The following PBX1 variants were observed in gnomAD, a reference collection of about 807,000 sequenced individuals.
PBX1 encodes PBX homeobox 1.
PBX1 carries 6 observed loss-of-function variants against 53.4 expected under a neutral mutation model. That is an observed-to-expected ratio of 0.11 (90% CI 0.06 to 0.22). The LOEUF (loss-of-function observed/expected upper bound fraction) is 0.22, where lower values mean the gene tolerates loss of function less well. Ranked by LOEUF, PBX1 falls within the 10% of genes least tolerant of loss-of-function variation. PBX1 has a pLI of 1.00. For synonymous variants in PBX1, 204 were observed against 212.3 expected (o/e 0.96, Z 0.34); for missense variants, 251 against 551.4 (o/e 0.46, Z 5.46).
At chr1:164,820,883 T>A (rs1314830228) in intron 7 of PBX1, among the ~76,000 whole-genome samples, 1 of 152,174 alleles carries the variant, frequency 6.6e-6, no homozygotes, top group Admixed American at 6.5e-5. Flanking sequence ...CTAGGGAAGT[T>A]CTGAGCCATG....
chr1:164,724,401 C>T (rs907593732), intron 2 of PBX1, among the ~76,000 whole-genome samples: 1 of 152,142 alleles, frequency 6.6e-6, no homozygotes, highest in Non-Finnish European at 1.5e-5. Flanking sequence ...TTCCCTGGGC[C>T]ACAATGGAAG....
At position 164,799,854 on chromosome 1, in the gene PBX1, G is replaced by C; in HGVS notation, c.666G>C (p.Ala222=). ...QMQLKQSTCE[A]VMILRSRFLD... ...AGCTCAAGCAGAGCACGTGCGAGGC[G>C]GTGATGATCCTGCGTTCCCGATTTC... Residue 222 remains alanine (A), a synonymous_variant, in exon 4 of 9, where the codon GCG becomes GCC. Coordinates refer to ENST00000420696, the MANE Select transcript of PBX1 (RefSeq NM_002585.4). 1 of 1,613,656 alleles carries C rather than the reference G, an allele frequency of 6.2e-7. No homozygotes were observed.
intron 2 of PBX1, among the ~76,000 whole-genome samples, chr1:164,702,700 G>GAC (rs1557953018): frequency 6.1e-5 from 9 of 147,598 alleles, no homozygotes; most frequent in Non-Finnish European, 1.1e-4. Flanking sequence ...GAGGTGGTTG[G>GAC]GGGATGGAGA....
intron 2 of PBX1, chr1:164,680,047 C>T (rs1420093492): frequency 6.6e-6 from 1 of 152,048 alleles, no homozygotes; most frequent in African/African-American, 2.4e-5. Flanking sequence ...AGAGTAAGAC[C>T]ATGGAGTAGA....
At chr1:164,618,346 C>G (rs901165394) in intron 2 of PBX1, among the ~76,000 whole-genome samples, 4 of 150,452 alleles carry the variant, frequency 2.7e-5, no homozygotes, top group Non-Finnish European at 5.9e-5. Flanking sequence ...AGCCTTCTCC[C>G]AGGCTGGGGT....
chr1:164,592,840 T>A (rs181856054), intron 2 of PBX1, among the ~76,000 whole-genome samples: 1 of 152,318 alleles, frequency 6.6e-6, no homozygotes, highest in East Asian at 1.9e-4. Context: ...AGACTGCCCC[T>A]GGGTTTTCTG....
intron 2 of PBX1, among the ~76,000 whole-genome samples, chr1:164,724,384 T>C (rs1027685688): frequency 1.3e-5 from 2 of 152,212 alleles, no homozygotes; most frequent in Non-Finnish European, 2.9e-5. Context: ...TTGGCCACTC[T>C]TTTGGCTTCC....
At chr1:164,625,225 A>G (rs1231626319) in intron 2 of PBX1, among the ~76,000 whole-genome samples, 1 of 151,974 alleles carries the variant, frequency 6.6e-6, no homozygotes, top group Non-Finnish European at 1.5e-5. Context: ...TTTTAGAAAC[A>G]TATATTCAGT....
At chr1:164,666,052 A>G (rs1330425650) in intron 2 of PBX1, among the ~76,000 whole-genome samples, 4 of 152,140 alleles carry the variant, frequency 2.6e-5, no homozygotes, top group Admixed American at 2.0e-4. Flanking sequence ...GTGTTGGGCA[A>G]CTCCAGGAGG....
At chr1:164,702,053 A>T (rs1295064296) in intron 2 of PBX1, among the ~76,000 whole-genome samples, 1 of 152,212 alleles carries the variant, frequency 6.6e-6, no homozygotes, top group Non-Finnish European at 1.5e-5. Flanking sequence ...AAGAACTTTT[A>T]AGGTGCACAT....
At position 164,559,351 on chromosome 1, in the gene PBX1, TG is replaced by T. The variant is rs1283135948; in HGVS notation, c.-464del. On this transcript the variant is annotated 5_prime_UTR_variant, in exon 1 of 9. Transcript: ENST00000420696. Reference sequence around the variant, plus strand: ...AGTGGGGGTGGGGGGCAGCGGGGGGTGGGGGGGGAAAGTTTGCATTGCAATC... The same window carrying T: ...AGTGGGGGTGGGGGGCAGCGGGGGGTGGGGGGGAAAGTTTGCATTGCAATC... 1.2e-4 allele frequency: 12 copies of T among 99,934 alleles called. No homozygotes were observed. The highest frequency in any genetic ancestry group is 2.0e-4 in the African/African-American group (4 of 19,552). The allele number at this position is 99,934 out of a possible 1,614,324, so 6.2% of individuals were successfully genotyped here. A position where few individuals can be genotyped will look rare whatever the true frequency, so the allele number is the denominator to read the frequency against.
intron 2 of PBX1, chr1:164,700,778 T>TTCAC: frequency 1.0e-6 from 1 of 968,620 alleles, no homozygotes; most frequent in South Asian, 4.9e-5. Flanking sequence ...GTGTTGGGTT[T>TTCAC]CTATGACTTT....
At chr1:164,817,849 T>A (rs1464393605) in intron 6 of PBX1, 8 of 152,226 alleles carry the variant, frequency 5.3e-5, no homozygotes, top group Admixed American at 2.0e-4. Flanking sequence ...AAACTTATAG[T>A]CCTTATGTTT....
intron 2 of PBX1, among the ~76,000 whole-genome samples, chr1:164,710,767 G>T (rs948893846): frequency 6.6e-6 from 1 of 152,168 alleles, no homozygotes; most frequent in Non-Finnish European, 1.5e-5. Flanking sequence ...GGAGGAGAGA[G>T]GGGAGTAAAA....
At chr1:164,822,358 T>C (rs1670202696) in intron 8 of PBX1, among the ~76,000 whole-genome samples, 1 of 152,144 alleles carries the variant, frequency 6.6e-6, no homozygotes, top group Non-Finnish European at 1.5e-5. Context: ...AGATCAGGGA[T>C]GATTCCTGGG....
chr1:164,572,273 A>G (rs1653934747), intron 2 of PBX1, among the ~76,000 whole-genome samples: 1 of 152,098 alleles, frequency 6.6e-6, no homozygotes, highest in African/African-American at 2.4e-5. Context: ...TTTTGTCTTC[A>G]GCACTCTCAG....
chr1:164,683,686 T>A (rs1178521400), intron 2 of PBX1: 1 of 151,780 alleles, frequency 6.6e-6, no homozygotes, highest in Non-Finnish European at 1.5e-5. Context: ...GACTGACTGC[T>A]GAACATGGTC....
At chr1:164,648,784 C>T (rs997579074) in intron 2 of PBX1, among the ~76,000 whole-genome samples, 9 of 152,122 alleles carry the variant, frequency 5.9e-5, no homozygotes, top group Admixed American at 4.6e-4. Flanking sequence ...TCAGCTTCTG[C>T]AGAGATTACC....
At chr1:164,660,204 A>G (rs1660402831) in intron 2 of PBX1, among the ~76,000 whole-genome samples, 1 of 152,220 alleles carries the variant, frequency 6.6e-6, no homozygotes, top group Non-Finnish European at 1.5e-5. Context: ...GGTTTAAGCA[A>G]ACTGGAGAAG....
Sources: gnomAD v4.1 joint callset for allele counts (sites outside exome capture counted in the v4.1 genomes callset) on GRCh38, gnomAD v4.1.1 for gene constraint, MANE v1.5 for transcripts, NCBI Gene and HGNC (gene_info 2026-07-23, HGNC 2026-07-21) for gene names.